FOXD2: variants seen among roughly 807,000 people sequenced by gnomAD.
FOXD2 encodes forkhead box protein D2.
A neutral mutation model predicts 6.4 loss-of-function variants in FOXD2; 4 were observed. That is an observed-to-expected ratio of 0.62 (90% CI 0.31 to 1.42). The LOEUF is 1.42. Ranked by LOEUF, FOXD2 falls within the 40% of genes most tolerant of loss-of-function variation. FOXD2 has a pLI of 0.08. For synonymous variants in FOXD2, 393 were observed against 373.6 expected, an observed-to-expected ratio of 1.05 and a Z score of -0.60; for missense variants, 709 against 766.8, an observed-to-expected ratio of 0.92 and a Z score of 0.89.
chr1:47,439,896 C>G lies in FOXD2; in HGVS notation c.*273C>G, dbSNP rs1167480185. On this transcript the variant is annotated 3_prime_UTR_variant, in exon 1 of 1. Transcript: ENST00000334793. ...AGAAATAAAAGCAGGGGGGTGGGGG[C>G]TTCGTTTTTTTCCCTGCCTCTGCGC... 1 of 442,374 alleles carries G rather than the reference C, an allele frequency of 2.3e-6. No individual in the cohort carries two copies. Among genetic ancestry groups the G allele is most frequent in the Non-Finnish European group, 4.1e-6 (1 of 242,528 alleles). 27.4% of individuals were successfully genotyped at this position (442,374 alleles called of 1,614,324 possible).
Position 47,438,430 on chromosome 1 carries a change from C to T in FOXD2, c.295C>T (p.Pro99Ser). The T allele has an allele frequency of 1.8e-6, 2 of 1,091,532 alleles. No individual in the cohort carries two copies. Among genetic ancestry groups the T allele is most frequent in the African/African-American group, 1.7e-5 (1 of 59,436 alleles). The allele number at this position is 1,091,532 out of a possible 1,614,324, so 67.6% of individuals were successfully genotyped here. ...GAAAAAGSPG[P>S]GAAAARGAAG... ...GGCGGCCGCAGCGGGGAGCCCGGGG[C>T]CAGGCGCCGCGGCGGCCCGCGGCGC... is the stretch of plus-strand genomic sequence containing the variant. Residue 99 changes from proline (P) to serine (S), a missense_variant, in exon 1 of 1, where the codon CCA (proline) becomes TCA (serine). By Grantham distance (74) the Pro-to-Ser change is moderately conservative. Coordinates refer to ENST00000334793, the MANE Select transcript of FOXD2 (RefSeq NM_004474.4).
Position 47,438,818 on chromosome 1 carries a change from T to C in FOXD2, c.683T>C (p.Leu228Pro). ...CGCAAGCGCTTCAAGCGGCAGCCCC[T>C]GCCGCCGCCGCACCCACACCCGCAC... is the stretch of plus-strand genomic sequence containing the variant. The part of the protein sequence containing the change: ...RRRKRFKRQP[L>P]PPPHPHPHPH... Residue 228 changes from leucine to proline, a missense_variant, in exon 1 of 1, where the codon CTG becomes CCG. Physicochemically the swap from Leu to Pro is moderately conservative, Grantham distance 98. This residue lies in a region of FOXD2 where 98 missense variants were observed against 91.0 expected (regional missense o/e 1.08). Transcript: ENST00000334793. 1 of 1,611,584 alleles carries C rather than the reference T, an allele frequency of 6.2e-7. No homozygotes were observed. The highest frequency in any genetic ancestry group is 1.1e-5 in the South Asian group (1 of 90,980).
Position 47,439,698 on chromosome 1 carries a change from T to A in FOXD2, c.*75T>A. ...GGAGTTCCTGCGGTCCCAGCGGAAC[T>A]CAGGGAGTCTATTTATGAAGTCTCC... On this transcript the variant is annotated 3_prime_UTR_variant, in exon 1 of 1. Coordinates refer to ENST00000334793, the MANE Select transcript of FOXD2 (RefSeq NM_004474.4). The A allele has an allele frequency of 1.5e-6, 2 of 1,375,150 alleles. No homozygotes were observed. Among genetic ancestry groups the A allele is most frequent in the Non-Finnish European group, 2.0e-6 (2 of 1,008,390 alleles). The allele number at this position is 1,375,150 out of a possible 1,614,324, so 85.2% of individuals were successfully genotyped here.
rs1476909344 is a variant in FOXD2 at position 47,439,122 on chromosome 1, A to C, written c.987A>C (p.Ala329=). The change falls in exon 1 of 1, where the codon GCA becomes GCC. Residue 329 remains alanine, a synonymous_variant. Transcript: ENST00000334793. ...PPGPPTASVF[A]GAGSAPAPAP... Reference sequence around the variant, plus strand: ...GACCTCCGACGGCCTCGGTGTTCGCAGGCGCGGGATCGGCCCCAGCTCCTG... The same window carrying C: ...GACCTCCGACGGCCTCGGTGTTCGCCGGCGCGGGATCGGCCCCAGCTCCTG... 6 of 1,459,122 alleles carry C rather than the reference A, an allele frequency of 4.1e-6. No homozygotes were observed. The Admixed American group carries it at 1.5e-4, about 36-fold the overall frequency. The allele number at this position is 1,459,122 out of a possible 1,614,324, so 90.4% of individuals were successfully genotyped here.
In FOXD2 at chr1:47,439,108, G is replaced by A. The variant is rs1646992502; in HGVS notation, c.973G>A (p.Ala325Thr). Residue 325 changes from alanine (A) to threonine (T), a missense_variant, in exon 1 of 1, where the codon GCC (alanine) becomes ACC (threonine). Ala to Thr is a moderately conservative substitution (Grantham distance 58). Around this residue, in one of 5 missense-constraint regions of FOXD2, gnomAD observed 322 missense variants for 313.8 expected, o/e 1.03. Coordinates refer to ENST00000334793, the MANE Select transcript of FOXD2 (RefSeq NM_004474.4). Reference protein sequence around the residue: ...AAAPPPGPPTASVFAGAGSAP... With the variant: ...AAAPPPGPPTTSVFAGAGSAP... Reference sequence around the variant, plus strand: ...CGCGCCTCCACCCGGACCTCCGACGGCCTCGGTGTTCGCAGGCGCGGGATC... The same window carrying A: ...CGCGCCTCCACCCGGACCTCCGACGACCTCGGTGTTCGCAGGCGCGGGATC... 3 of 1,459,454 alleles carry A rather than the reference G, an allele frequency of 2.1e-6. No homozygotes were observed. Among genetic ancestry groups the A allele is most frequent in the Admixed American group, 2.5e-5 (1 of 40,510 alleles). 90.4% of individuals were successfully genotyped at this position (1,459,454 alleles called of 1,614,324 possible).
Position 47,438,083 on chromosome 1 carries a change from G to A in FOXD2, c.-53G>A, listed in dbSNP as rs1014025667. The stretch of plus-strand genomic sequence containing the variant: ...CCCCAGAGGCAGCGCGGCCGAGCCC[G>A]AGCCGCTGCCGGAGCGGAGCCGGAG... On this transcript the variant is annotated 5_prime_UTR_variant, in exon 1 of 1. Coordinates refer to ENST00000334793, the MANE Select transcript of FOXD2 (RefSeq NM_004474.4). The A allele has an allele frequency of 1.2e-5, 16 of 1,323,602 alleles. No individual in the cohort carries two copies. Among genetic ancestry groups the A allele is most frequent in the Admixed American group, 4.1e-5 (1 of 24,262 alleles). 82.0% of individuals were successfully genotyped at this position (1,323,602 alleles called of 1,614,324 possible).
At position 47,438,454 on chromosome 1, in the gene FOXD2, G is replaced by A. The variant is rs1163376823; in HGVS notation, c.319G>A (p.Ala107Thr). 8.3e-7 allele frequency: 1 copy of A among 1,211,502 alleles called. No individual in the cohort carries two copies. The highest frequency in any genetic ancestry group is 4.5e-5 in the East Asian group (1 of 22,090). The allele number at this position is 1,211,502 out of a possible 1,614,324, so 75.0% of individuals were successfully genotyped here. The change falls in exon 1 of 1, where the codon GCA (alanine) becomes ACA (threonine). Residue 107 changes from alanine to threonine, a missense_variant. Physicochemically the swap from Ala to Thr is moderately conservative, Grantham distance 58. Transcript: ENST00000334793. ...GCCAGGCGCCGCGGCGGCCCGCGGC[G>A]CAGCGGGGCCCGGGCCGGGACCGCC... is the stretch of plus-strand genomic sequence containing the variant. ...PGPGAAAARG[A>T]AGPGPGPPSG...
In FOXD2 at chr1:47,438,722, G is replaced by C; in HGVS notation, c.587G>C (p.Gly196Ala). ...ATCCCCCGCGAGCCGGGCAACCCGG[G>C]CAAGGGCAACTACTGGACGCTGGAC... ...VKIPREPGNP[G>A]KGNYWTLDPE... Residue 196 changes from glycine (G) to alanine (A), a missense_variant, in exon 1 of 1, where the codon GGC (glycine) becomes GCC (alanine). Physicochemically the swap from Gly to Ala is moderately conservative, Grantham distance 60. Around this residue, in one of 5 missense-constraint regions of FOXD2, gnomAD observed 69 missense variants for 145.6 expected, o/e 0.47. Coordinates refer to ENST00000334793, the MANE Select transcript of FOXD2 (RefSeq NM_004474.4). 2 of 1,613,972 alleles carry C rather than the reference G, an allele frequency of 1.2e-6. No individual in the cohort carries two copies. Among genetic ancestry groups the C allele is most frequent in the Non-Finnish European group, 1.7e-6 (2 of 1,179,956 alleles).
chr1:47,438,223 G>A lies in FOXD2; in HGVS notation c.88G>A (p.Val30Met), dbSNP rs1646985096. 2 of 1,420,990 alleles carry A rather than the reference G, an allele frequency of 1.4e-6. No individual in the cohort carries two copies. Among genetic ancestry groups the A allele is most frequent in the Non-Finnish European group, 1.8e-6 (2 of 1,092,896 alleles). 88.0% of individuals were successfully genotyped at this position (1,420,990 alleles called of 1,614,324 possible). Residue 30 changes from valine (V) to methionine (M), a missense_variant, in exon 1 of 1, where the codon GTG (valine) becomes ATG (methionine). Coordinates refer to ENST00000334793, the MANE Select transcript of FOXD2 (RefSeq NM_004474.4). The stretch of plus-strand genomic sequence containing the variant: ...CGAGGCCGACGCAGACATAGACGTG[G>A]TGGGCGGCGGCAGCGGCGGGGGGGA... ...LSEADADIDV[V>M]GGGSGGGELP...
rs1273169048 is a variant in FOXD2 at position 47,438,787 on chromosome 1, C to G, written c.652C>G (p.Arg218Gly). 6.2e-7 allele frequency: 1 copy of G among 1,613,304 alleles called. No homozygotes were observed. Among genetic ancestry groups the G allele is most frequent in the Non-Finnish European group, 8.5e-7 (1 of 1,179,858 alleles). The change falls in exon 1 of 1, where the codon CGG (arginine) becomes GGG (glycine). Residue 218 changes from arginine (R) to glycine (G), a missense_variant. Coordinates refer to ENST00000334793, the MANE Select transcript of FOXD2 (RefSeq NM_004474.4). ...ADMFDNGSFL[R>G]RRKRFKRQPL... is the part of the protein sequence containing the mutation. ...CATGTTCGACAACGGCAGCTTCCTG[C>G]GGCGTCGCAAGCGCTTCAAGCGGCA...
At position 47,439,010 on chromosome 1, in the gene FOXD2, C is replaced by CGCACCA. The variant is rs2124083885; in HGVS notation, c.879_880insCAGCAC (p.His293_Ala294insGlnHis). The stretch of plus-strand genomic sequence containing the variant: ...CCGGCCCCGCATCCGCACCCGCACC[C>CGCACCA]GCACGCCTTCGCTTTCGCCGCGGCA... On this transcript the variant is annotated inframe_insertion, in exon 1 of 1. Transcript: ENST00000334793. 1 of 1,446,296 alleles carries CGCACCA rather than the reference C, an allele frequency of 6.9e-7. No individual in the cohort carries two copies. The allele number at this position is 1,446,296 out of a possible 1,614,324, so 89.6% of individuals were successfully genotyped here.
Position 47,439,742 on chromosome 1 carries a change from C to G in FOXD2, c.*119C>G. ...AGTCTCCAGACCTTGGGCCGGCACGCGTGACACGGCACTTCAGGCTCCACG... is the reference window on the plus strand; with the variant it reads ...AGTCTCCAGACCTTGGGCCGGCACGGGTGACACGGCACTTCAGGCTCCACG... On this transcript the variant is annotated 3_prime_UTR_variant, in exon 1 of 1. Transcript: ENST00000334793. 2.3e-6 allele frequency: 2 copies of G among 875,934 alleles called. No homozygotes were observed. Among genetic ancestry groups the G allele is most frequent in the Non-Finnish European group, 3.5e-6 (2 of 576,792 alleles). 54.3% of individuals were successfully genotyped at this position (875,934 alleles called of 1,614,324 possible).
Position 47,439,557 on chromosome 1 carries a change from C to T in FOXD2, c.1422C>T (p.Asp474=), listed in dbSNP as rs1198510524. 1.9e-6 allele frequency: 3 copies of T among 1,555,162 alleles called. No homozygotes were observed. Among genetic ancestry groups the T allele is most frequent in the East Asian group, 2.4e-5 (1 of 41,614 alleles). The change falls in exon 1 of 1, where the codon GAC becomes GAT. Residue 474 remains aspartate, a synonymous_variant. Transcript: ENST00000334793. The stretch of plus-strand genomic sequence containing the variant: ...ACATTCGCCTCTCGCATCCCGGGGA[C>T]GCGCTGCTGTCCTCAGGGTCCCGGT... ...AGHIRLSHPG[D]ALLSSGSRFA...
In FOXD2 at chr1:47,438,810, G is replaced by A. The variant is rs1242273519; in HGVS notation, c.675G>A (p.Arg225=). 1 of 1,611,382 alleles carries A rather than the reference G, an allele frequency of 6.2e-7. No individual in the cohort carries two copies. The highest frequency in any genetic ancestry group is 1.7e-5 in the Admixed American group (1 of 59,978). Residue 225 remains arginine (R), a synonymous_variant, in exon 1 of 1, where the codon CGG becomes CGA. Transcript: ENST00000334793. ...SFLRRRKRFK[R]QPLPPPHPHP... ...TGCGGCGTCGCAAGCGCTTCAAGCG[G>A]CAGCCCCTGCCGCCGCCGCACCCAC...
Position 47,439,351 on chromosome 1 carries a change from G to A in FOXD2, c.1216G>A (p.Ala406Thr), listed in dbSNP as rs749125279. 2.7e-6 allele frequency: 4 copies of A among 1,498,420 alleles called. No individual in the cohort carries two copies. Among genetic ancestry groups the A allele is most frequent in the Non-Finnish European group, 3.5e-6 (4 of 1,137,882 alleles). 92.8% of individuals were successfully genotyped at this position (1,498,420 alleles called of 1,614,324 possible). A position where few individuals can be genotyped will look rare whatever the true frequency, so the allele number is the denominator to read the frequency against. The stretch of plus-strand genomic sequence containing the variant: ...TGGTGCAGGCGGCGGGGGCGCCGGG[G>A]CAGGGCAGAGGCCTTCCTTCTCTAT... ...GGGAGGGGAG[A>T]GQRPSFSIDH... Residue 406 changes from alanine (A) to threonine (T), a missense_variant, in exon 1 of 1, where the codon GCA becomes ACA. By Grantham distance (58) the Ala-to-Thr change is moderately conservative. This residue lies in a region of FOXD2 where 322 missense variants were observed against 313.8 expected (regional missense o/e 1.03). Coordinates refer to ENST00000334793, the MANE Select transcript of FOXD2 (RefSeq NM_004474.4).
chr1:47,439,170 G>C lies in FOXD2; in HGVS notation c.1035G>C (p.Pro345=). The C allele has an allele frequency of 4.2e-6, 6 of 1,436,820 alleles. No homozygotes were observed. Among genetic ancestry groups the C allele is most frequent in the Non-Finnish European group, 5.4e-6 (6 of 1,104,780 alleles). The allele number at this position is 1,436,820 out of a possible 1,614,324, so 89.0% of individuals were successfully genotyped here. ...PAPAPASGSG[P]GPGPAGLPAF... The stretch of plus-strand genomic sequence containing the variant: ...CTGCGCCTGCCTCAGGCTCGGGCCC[G>C]GGCCCGGGCCCCGCAGGCCTGCCCG... Residue 345 remains proline, a synonymous_variant, in exon 1 of 1, where the codon CCG becomes CCC. Coordinates refer to ENST00000334793, the MANE Select transcript of FOXD2 (RefSeq NM_004474.4).
Position 47,438,756 on chromosome 1 carries a change from G to C in FOXD2, c.621G>C (p.Ser207=), listed in dbSNP as rs1646989097. ...KGNYWTLDPE[S]ADMFDNGSFL... ...ACTACTGGACGCTGGACCCGGAGTC[G>C]GCCGACATGTTCGACAACGGCAGCT... Residue 207 remains serine (S), a synonymous_variant, in exon 1 of 1, where the codon TCG becomes TCC. Coordinates refer to ENST00000334793, the MANE Select transcript of FOXD2 (RefSeq NM_004474.4). 1 of 1,613,812 alleles carries C rather than the reference G, an allele frequency of 6.2e-7. No homozygotes were observed. Among genetic ancestry groups the C allele is most frequent in the Non-Finnish European group, 8.5e-7 (1 of 1,179,924 alleles).
rs1646986553 is a variant in FOXD2 at position 47,438,411 on chromosome 1, C to A, written c.276C>A (p.Ala92=). ...CTCTGGCGTCCCGGGGGGCGGCGGC[C>A]GCAGCGGGGAGCCCGGGGCCAGGCG... is the stretch of plus-strand genomic sequence containing the variant. ...PRALASRGAA[A]AAGSPGPGAA... is the part of the protein sequence containing the mutation. Residue 92 remains alanine (A), a synonymous_variant, in exon 1 of 1, where the codon GCC becomes GCA. Transcript: ENST00000334793. 1 of 1,189,672 alleles carries A rather than the reference C, an allele frequency of 8.4e-7. No homozygotes were observed. Among genetic ancestry groups the A allele is most frequent in the Non-Finnish European group, 1.0e-6 (1 of 960,712 alleles). 73.7% of individuals were successfully genotyped at this position (1,189,672 alleles called of 1,614,324 possible).
rs1646997419 is a variant in FOXD2, at chr1:47,439,651, C to G, written c.*28C>G. The G allele has an allele frequency of 6.5e-7, 1 of 1,535,528 alleles. No individual in the cohort carries two copies. The highest frequency in any genetic ancestry group is 8.8e-7 in the Non-Finnish European group (1 of 1,139,522). On this transcript the variant is annotated 3_prime_UTR_variant, in exon 1 of 1. Coordinates refer to ENST00000334793, the MANE Select transcript of FOXD2 (RefSeq NM_004474.4). ...GCAGCAGGCCCAGGGCCGGTTAGGT[C>G]CGCACTCCTCAGCCTCTCCCGGGAG...
Sources: gnomAD v4.1 joint callset for allele counts on GRCh38, gnomAD v4.1.1 for gene constraint, gnomAD v4.1.1 regional missense constraint, MANE v1.5 for transcripts, NCBI Gene and HGNC (gene_info 2026-07-23, HGNC 2026-07-21) for gene names.